Variants in ACER2 observed in about 807,000 individuals in gnomAD.
ACER2 encodes alkaline ceramidase 2, also known as alkCDase 2.
A neutral mutation model predicts 34.7 loss-of-function variants in ACER2; 26 were observed. The ratio of observed to expected loss-of-function variants is 0.75; its 90% CI spans 0.55 to 1.04. ACER2 has a LOEUF of 1.04. Among genes scored for constraint, ACER2 ranks in the 50% least tolerant of loss-of-function variants. The probability of loss-of-function intolerance (pLI) is 0.00; values close to 1 mark genes in which losing one functional copy is unlikely to be tolerated. For synonymous variants in ACER2, 138 were observed against 132.1 expected, an observed-to-expected ratio of 1.04 and a Z score of -0.31; for missense variants, 352 against 340.8, an observed-to-expected ratio of 1.03 and a Z score of -0.26.
rs1418347652 is a variant in ACER2, at chr9:19,451,285, T to C, written c.*649T>C. 1 of 152,610 alleles carries C rather than the reference T, an allele frequency of 6.6e-6. No homozygotes were observed. Among genetic ancestry groups the C allele is most frequent in the Non-Finnish European group, 1.5e-5 (1 of 68,080 alleles). The allele number at this position is 152,610 out of a possible 1,614,324, so 9.5% of individuals were successfully genotyped here. ...ACAGACCCTCTGAGAGACAAGACCC[T>C]CTGACTCTGTGATGGAAGATGCCAG... On this transcript the variant is annotated 3_prime_UTR_variant, in exon 6 of 6. Transcript: ENST00000340967.
At chr9:19,428,704 G>C (rs922043542) in intron 3 of ACER2, among the ~76,000 whole-genome samples, 3 of 147,194 alleles carry the variant, frequency 2.0e-5, no homozygotes, top group African/African-American at 7.5e-5. Flanking sequence ...AAGGCCTATA[G>C]TACAATGGCT....
chr9:19,409,331 C>G lies in ACER2; in HGVS notation c.108+139C>G, dbSNP rs1369846155. ...CCAGGGGCTGAGTCAGTCCACACCC[C>G]CTCCTCGGCGCGCTCCTTTCAGTTC... On this transcript the variant is annotated intron_variant, in intron 1 of 5. Coordinates refer to ENST00000340967, the MANE Select transcript of ACER2 (RefSeq NM_001010887.3). 8 of 740,836 alleles carry G rather than the reference C, an allele frequency of 1.1e-5. No homozygotes were observed. In the South Asian group the frequency reaches 1.3e-4, roughly 12 times the overall value. The allele number at this position is 740,836 out of a possible 1,614,324, so 45.9% of individuals were successfully genotyped here.
rs541733384 is a variant in ACER2 at position 19,416,008 on chromosome 9, A to G, written c.108+6816A>G. 1.0e-3 allele frequency among the ~76,000 whole-genome samples: 153 copies of G among 152,262 alleles called. 2 individuals are homozygous for G. Among genetic ancestry groups the G allele is most frequent in the Middle Eastern group, 6.8e-3 (2 of 294 alleles). ...TACCTATTCATGTAAATGTGAAGAA[A>G]ATGAGGACAGTGGTTATCTCTGGGG... is the stretch of plus-strand genomic sequence containing the variant. On this transcript the variant is annotated intron_variant, in intron 1 of 5. Coordinates refer to ENST00000340967, the MANE Select transcript of ACER2 (RefSeq NM_001010887.3).
chr9:19,438,860 A>G (rs1831054896), intron 4 of ACER2, among the ~76,000 whole-genome samples: 1 of 152,138 alleles, frequency 6.6e-6, no homozygotes, highest in African/African-American at 2.4e-5. Context: ...ATCATAGCTC[A>G]TTGCATCTTC....
At position 19,441,209 on chromosome 9, in the gene ACER2, C is replaced by T. The variant is rs899497361; in HGVS notation, c.504-5072C>T. 3.3e-5 allele frequency among the ~76,000 whole-genome samples: 5 copies of T among 152,184 alleles called. No individual in the cohort carries two copies. The South Asian group carries it at 6.2e-4, about 19-fold the overall frequency. On this transcript the variant is annotated intron_variant, in intron 4 of 5. Transcript: ENST00000340967. ...GGACCACAGGCATGTGCCACCATGC[C>T]TGGCTACTTTTTCGTATTTTTAGTA...
chr9:19,445,849 G>T (rs1831336937), intron 4 of ACER2, among the ~76,000 whole-genome samples: 1 of 152,202 alleles, frequency 6.6e-6, no homozygotes, highest in South Asian at 2.1e-4. Flanking sequence ...AGGGTGGAAG[G>T]AGACTCTGAT....
intron 4 of ACER2, among the ~76,000 whole-genome samples, chr9:19,440,145 C>T (rs1563888703): frequency 6.6e-6 from 1 of 152,172 alleles, no homozygotes; most frequent in Non-Finnish European, 1.5e-5. Context: ...CTCGGCTGCT[C>T]GCCCAATTAG....
intron 1 of ACER2, among the ~76,000 whole-genome samples, chr9:19,421,856 G>T (rs1830416726): frequency 1.3e-5 from 2 of 152,122 alleles, no homozygotes. Flanking sequence ...AAAAATTAGG[G>T]ATGAGTTTCC....
chr9:19,440,748 T>G (rs1831128228), intron 4 of ACER2, among the ~76,000 whole-genome samples: 1 of 152,230 alleles, frequency 6.6e-6, no homozygotes, highest in East Asian at 1.9e-4. Flanking sequence ...GTGGCTTTAA[T>G]TCCTCTACAT....
At chr9:19,441,825 T>C (rs1310731581) in intron 4 of ACER2, among the ~76,000 whole-genome samples, 1 of 152,128 alleles carries the variant, frequency 6.6e-6, no homozygotes, top group African/African-American at 2.4e-5. Context: ...TTTGATAAAA[T>C]ACCCAGACAA....
At chr9:19,418,374 T>G (rs1362877263) in intron 1 of ACER2, among the ~76,000 whole-genome samples, 1 of 152,154 alleles carries the variant, frequency 6.6e-6, no homozygotes, top group Non-Finnish European at 1.5e-5. Flanking sequence ...TATAAATCAT[T>G]CTACTATAAA....
intron 3 of ACER2, among the ~76,000 whole-genome samples, chr9:19,428,781 T>TG (rs1830661272): frequency 1.1e-5 from 1 of 87,216 alleles, no homozygotes; most frequent in Admixed American, 1.0e-4. Flanking sequence ...AGTGGGTTTT[T>TG]TTTTTTTTTT....
intron 3 of ACER2, among the ~76,000 whole-genome samples, chr9:19,428,403 G>A (rs1258350300): frequency 6.6e-6 from 1 of 151,072 alleles, no homozygotes; most frequent in East Asian, 2.0e-4. Flanking sequence ...CCTCACCTCA[G>A]GTGATCTGCC....
At chr9:19,429,234 A>T (rs1830675525) in intron 3 of ACER2, among the ~76,000 whole-genome samples, 1 of 152,222 alleles carries the variant, frequency 6.6e-6, no homozygotes, top group African/African-American at 2.4e-5. Flanking sequence ...TCTTTAGGAC[A>T]TATACTGAAT....
chr9:19,422,600 C>A (rs1830438935), intron 1 of ACER2, among the ~76,000 whole-genome samples: 1 of 151,880 alleles, frequency 6.6e-6, no homozygotes, highest in African/African-American at 2.4e-5. Context: ...AGAGTCCTCG[C>A]TTTGTGTAGG....
At chr9:19,420,721 C>T (rs1208884904) in intron 1 of ACER2, among the ~76,000 whole-genome samples, 2 of 152,136 alleles carry the variant, frequency 1.3e-5, no homozygotes, top group East Asian at 3.8e-4. Context: ...AACAGAAATT[C>T]ATTTCTTACA....
rs1162808028 is a variant in ACER2, at chr9:19,423,923, C to A, written c.170C>A (p.Ala57Glu). The stretch of plus-strand genomic sequence containing the variant: ...TGCATGTGCTTGTTTCGTCAGTATG[C>A]AACATGCTTCAACAGTGGCATCTAC... ...PICMCLFRQY[A>E]TCFNSGIYLI... The change falls in exon 2 of 6, where the codon GCA (alanine) becomes GAA (glutamate). Residue 57 changes from alanine (A) to glutamate (E), a missense_variant. Coordinates refer to ENST00000340967, the MANE Select transcript of ACER2 (RefSeq NM_001010887.3). The A allele has an allele frequency of 6.2e-7, 1 of 1,614,066 alleles. No homozygotes were observed. The highest frequency in any genetic ancestry group is 1.7e-5 in the Admixed American group (1 of 60,012).
At chr9:19,421,309 G>A (rs1430880483) in intron 1 of ACER2, among the ~76,000 whole-genome samples, 1 of 152,124 alleles carries the variant, frequency 6.6e-6, no homozygotes, top group East Asian at 1.9e-4. Context: ...TTTTGTGTGT[G>A]GGGGTGACAC....
rs1168793600 is a variant in ACER2, at chr9:19,409,220, G to A, written c.108+28G>A. On this transcript the variant is annotated intron_variant, in intron 1 of 5. Coordinates refer to ENST00000340967, the MANE Select transcript of ACER2 (RefSeq NM_001010887.3). ...GCGGGGCGCGGGAGCGGGGAAGGCA[G>A]GCGGGCCAGCGGGAGGGGGCTGTTC... 5.8e-6 allele frequency: 9 copies of A among 1,557,750 alleles called. No homozygotes were observed. The South Asian group carries it at 9.5e-5, about 16-fold the overall frequency.
Sources: gnomAD v4.1 joint callset for allele counts (sites outside exome capture counted in the v4.1 genomes callset) on GRCh38, gnomAD v4.1.1 for gene constraint, MANE v1.5 for transcripts, NCBI Gene and HGNC (gene_info 2026-07-23, HGNC 2026-07-21) for gene names.